MALRD1: variants seen among roughly 807,000 people sequenced by gnomAD.
The protein encoded by MALRD1 is MAM and LDL-receptor class A domain-containing protein 1.
In MALRD1, 247 loss-of-function variants were observed where a neutral mutation model predicts 242.1. The observed-to-expected ratio is 1.02, with a 90% CI of 0.92 to 1.13. MALRD1 has a LOEUF of 1.13. Among genes scored for constraint, MALRD1 ranks in the 50% most tolerant of loss-of-function variants. The probability of loss-of-function intolerance (pLI) is 0.00; values close to 1 mark genes in which losing one functional copy is unlikely to be tolerated. For synonymous variants in MALRD1, 995 were observed against 866.6 expected, an observed-to-expected ratio of 1.15 and a Z score of -2.60; for missense variants, 2,989 against 2,533.1, an observed-to-expected ratio of 1.18 and a Z score of -3.86.
intron 9 of MALRD1, among the ~76,000 whole-genome samples, chr10:19,134,490 T>C (rs905357840): frequency 5.9e-5 from 9 of 152,246 alleles, no homozygotes; most frequent in African/African-American, 2.2e-4. Flanking sequence ...TTGCTTTTAA[T>C]GGCCAAAACC....
intron 18 of MALRD1, among the ~76,000 whole-genome samples, chr10:19,216,035 G>A (rs72786585): frequency 2.0e-5 from 3 of 151,136 alleles, no homozygotes; most frequent in African/African-American, 7.3e-5. Context: ...ACATTAGAAA[G>A]GTAGAGTATT....
chr10:19,473,267 G>A (rs1836583338), intron 29 of MALRD1, among the ~76,000 whole-genome samples: 1 of 151,302 alleles, frequency 6.6e-6, no homozygotes, highest in African/African-American at 2.4e-5. Context: ...GCATACTACA[G>A]ACAACAAGCA....
At chr10:19,174,653 A>C in intron 13 of MALRD1, among the ~76,000 whole-genome samples, 1 of 148,476 alleles carries the variant, frequency 6.7e-6, no homozygotes, top group East Asian at 1.9e-4. Context: ...GAATAAACTA[A>C]AATTAAATAG....
At chr10:19,169,711 G>A (rs1340729345) in intron 13 of MALRD1, among the ~76,000 whole-genome samples, 1 of 151,992 alleles carries the variant, frequency 6.6e-6, no homozygotes, top group Admixed American at 6.6e-5. Context: ...TTCTTTTATC[G>A]ACAACAAATG....
chr10:19,478,619 G>C (rs181743086), intron 29 of MALRD1, among the ~76,000 whole-genome samples: 90 of 152,122 alleles, frequency 5.9e-4, no homozygotes, highest in African/African-American at 1.6e-3. Flanking sequence ...CTCGTACTAA[G>C]TTCACCTTTC....
chr10:19,306,288 GTATA>G (rs984432875), intron 21 of MALRD1, among the ~76,000 whole-genome samples: 16 of 135,396 alleles, frequency 1.2e-4, no homozygotes, highest in African/African-American at 4.4e-4. Context: ...ACCGTATATA[GTATA>G]TATAGTGTCG....
intron 34 of MALRD1, among the ~76,000 whole-genome samples, chr10:19,607,534 A>G (rs1838695969): frequency 6.6e-6 from 1 of 152,128 alleles, no homozygotes; most frequent in Non-Finnish European, 1.5e-5. Context: ...TGAGGACACA[A>G]TTCAGTCCCT....
chr10:19,363,727 T>TTTAAGGA (rs1844994741), intron 26 of MALRD1, among the ~76,000 whole-genome samples: 1 of 152,148 alleles, frequency 6.6e-6, no homozygotes, highest in Non-Finnish European at 1.5e-5. Flanking sequence ...TGAATGAGTC[T>TTTAAGGA]TGATGAGACT....
At chr10:19,700,688 C>A (rs73595895) in intron 38 of MALRD1, among the ~76,000 whole-genome samples, 9 of 152,116 alleles carry the variant, frequency 5.9e-5, no homozygotes, top group African/African-American at 2.2e-4. Flanking sequence ...CCCTTTCCTT[C>A]ATACCTTCTC....
chr10:19,506,291 TGAAAGA>T (rs752682127), intron 31 of MALRD1, among the ~76,000 whole-genome samples: 46 of 152,148 alleles, frequency 3.0e-4, no homozygotes, highest in Non-Finnish European at 5.3e-4. Flanking sequence ...ACCAATGTCA[TGAAAGA>T]GAAAGTAGAG....
At chr10:19,680,606 T>C (rs1842326355) in intron 36 of MALRD1, among the ~76,000 whole-genome samples, 1 of 152,172 alleles carries the variant, frequency 6.6e-6, no homozygotes. Context: ...CCATTCTGTG[T>C]CTTTTAACTG....
intron 28 of MALRD1, among the ~76,000 whole-genome samples, chr10:19,422,403 CAT>C (rs1833747633): frequency 6.6e-6 from 1 of 151,978 alleles, no homozygotes; most frequent in African/African-American, 2.4e-5. Context: ...CACAGAAAAA[CAT>C]AGAGTAACCA....
intron 38 of MALRD1, among the ~76,000 whole-genome samples, chr10:19,725,990 C>T (rs1835006878): frequency 6.6e-6 from 1 of 152,074 alleles, no homozygotes; most frequent in Non-Finnish European, 1.5e-5. Context: ...AGCCATAATG[C>T]ATTTAAAAGA....
intron 18 of MALRD1, among the ~76,000 whole-genome samples, chr10:19,213,094 A>G (rs1419888456): frequency 6.6e-6 from 1 of 151,766 alleles, no homozygotes; most frequent in African/African-American, 2.4e-5. Flanking sequence ...AAATTTGATG[A>G]GTTCTTCTTA....
chr10:19,623,370 A>G (rs1275975949), intron 36 of MALRD1, among the ~76,000 whole-genome samples: 1 of 152,146 alleles, frequency 6.6e-6, no homozygotes, highest in Non-Finnish European at 1.5e-5. Context: ...ATAGAGAATG[A>G]TGCTGCTATT....
At chr10:19,230,050 G>A (rs750621912) in intron 18 of MALRD1, among the ~76,000 whole-genome samples, 5 of 152,062 alleles carry the variant, frequency 3.3e-5, no homozygotes, top group Non-Finnish European at 7.4e-5. Flanking sequence ...TTTATAAGGC[G>A]AAACCCCTTT....
At chr10:19,362,820 C>T (rs1021045056) in intron 26 of MALRD1, among the ~76,000 whole-genome samples, 1 of 151,810 alleles carries the variant, frequency 6.6e-6, no homozygotes, top group East Asian at 1.9e-4. Flanking sequence ...CTTAGGAGGA[C>T]GTTGAAGTTA....
chr10:19,065,620 C>A (rs764373401), intron 1 of MALRD1, among the ~76,000 whole-genome samples: 42 of 152,094 alleles, frequency 2.8e-4, no homozygotes, highest in Non-Finnish European at 4.1e-4. Flanking sequence ...GGAACACAAC[C>A]TGGGGAGGGA....
At chr10:19,629,729 G>A (rs1402417839) in intron 36 of MALRD1, among the ~76,000 whole-genome samples, 3 of 152,100 alleles carry the variant, frequency 2.0e-5, no homozygotes, top group Non-Finnish European at 4.4e-5. Flanking sequence ...GAGCTTCTAA[G>A]AATGCTGACA....
Sources: gnomAD v4.1 joint callset for allele counts (sites outside exome capture counted in the v4.1 genomes callset) on GRCh38, gnomAD v4.1.1 for gene constraint, MANE v1.5 for transcripts, NCBI Gene and HGNC (gene_info 2026-07-23, HGNC 2026-07-21) for gene names.